The following SUPT3H variants were observed in gnomAD, a reference collection of about 807,000 sequenced individuals.
The protein encoded by SUPT3H is transcription initiation protein SPT3 homolog.
In SUPT3H, 44 loss-of-function variants were observed where a neutral mutation model predicts 44.3. That is an observed-to-expected ratio of 0.99 (90% CI 0.78 to 1.28). The LOEUF is 1.28. Among genes scored for constraint, SUPT3H ranks in the 50% most tolerant of loss-of-function variants. SUPT3H has a pLI of 0.00. For synonymous variants in SUPT3H, 124 were observed against 125.6 expected (o/e 0.99, Z 0.09); for missense variants, 380 against 387.1 (o/e 0.98, Z 0.15).
rs36187592 is a variant in SUPT3H at position 44,893,887 on chromosome 6, C to T, written c.912+38766G>A. Among the ~76,000 whole-genome samples the T allele has an allele frequency of 2.9e-3, 410 of 143,234 alleles. 4 individuals are homozygous for T. The highest frequency in any genetic ancestry group is 9.8e-3 in the African/African-American group (390 of 39,958). 94.0% of individuals were successfully genotyped at this position (143,234 alleles called of 152,430 possible). ...TCCACATCCTCTCCAGCACGTGTTG[C>T]TTCCTGACTTTTTAATGATCGCCAT... On this transcript the variant is annotated intron_variant, in intron 10 of 10. Coordinates refer to ENST00000371459, the MANE Select transcript of SUPT3H (RefSeq NM_003599.4).
chr6:45,332,409 T>C (rs920529273), intron 2 of SUPT3H, among the ~76,000 whole-genome samples: 4 of 151,842 alleles, frequency 2.6e-5, no homozygotes, highest in Admixed American at 6.6e-5. Context: ...AATGGGACTA[T>C]ATTATTTATT....
intron 2 of SUPT3H, among the ~76,000 whole-genome samples, chr6:45,330,039 G>A (rs536596109): frequency 1.3e-5 from 2 of 151,674 alleles, no homozygotes; most frequent in African/African-American, 2.4e-5. Context: ...CTCAGTTTAG[G>A]TCAAACAGAA....
chr6:44,811,944 T>A (rs1449651236), intron 11 of SUPT3H, among the ~76,000 whole-genome samples: 1 of 152,092 alleles, frequency 6.6e-6, no homozygotes, highest in African/African-American at 2.4e-5. Flanking sequence ...AAGGTCTGAT[T>A]CCTGTAATCC....
At chr6:44,994,289 G>A (rs1242482886) in intron 6 of SUPT3H, among the ~76,000 whole-genome samples, 1 of 152,048 alleles carries the variant, frequency 6.6e-6, no homozygotes, top group African/African-American at 2.4e-5. Context: ...AGGAGTGAAA[G>A]CATGGATGGA....
chr6:45,001,130 G>T (rs1199556741), intron 6 of SUPT3H, among the ~76,000 whole-genome samples: 3 of 152,064 alleles, frequency 2.0e-5, no homozygotes, highest in East Asian at 1.9e-4. Context: ...TTGATTAGAT[G>T]AAAAAATTAG....
chr6:44,952,836 C>A (rs1263824584), intron 9 of SUPT3H, among the ~76,000 whole-genome samples: 1 of 152,114 alleles, frequency 6.6e-6, no homozygotes, highest in East Asian at 1.9e-4. Flanking sequence ...TAGGGGCAAT[C>A]TAAAAACTCA....
Position 44,996,664 on chromosome 6 carries a change from A to G in SUPT3H, c.504+6989T>C, listed in dbSNP as rs1781310884. Among the ~76,000 whole-genome samples the G allele has an allele frequency of 2.0e-5, 3 of 151,844 alleles. No homozygotes were observed. The South Asian group carries it at 6.2e-4, about 31-fold the overall frequency. On this transcript the variant is annotated intron_variant, in intron 6 of 10. Transcript: ENST00000371459. The stretch of plus-strand genomic sequence containing the variant: ...ATTTCACAAACTTATTTGAAAACAG[A>G]CCACTCCCTACTCCCACAGTGTATT...
chr6:44,932,459 GAA>G (rs1043815909), intron 10 of SUPT3H, among the ~76,000 whole-genome samples, 192 bp downstream of exon 10: 3 of 151,944 alleles, frequency 2.0e-5, no homozygotes, highest in Admixed American at 6.6e-5. Context: ...ATATTTTGTA[GAA>G]AAAAAGTGTC....
Position 45,239,376 on chromosome 6 carries a change from C to A in SUPT3H, c.101+125825G>T, listed in dbSNP as rs1342914733. 2.6e-5 allele frequency among the ~76,000 whole-genome samples: 4 copies of A among 152,204 alleles called. No homozygotes were observed. In the South Asian group the frequency reaches 6.2e-4, roughly 24 times the overall value. On this transcript the variant is annotated intron_variant, in intron 2 of 10. Coordinates refer to ENST00000371459, the MANE Select transcript of SUPT3H (RefSeq NM_003599.4). ...CAGTATCTAATGCTACACACTTTCACAATTTAACCCATGTTAATGCCTCTG... is the reference window on the plus strand; with the variant it reads ...CAGTATCTAATGCTACACACTTTCAAAATTTAACCCATGTTAATGCCTCTG...
chr6:44,818,875 G>C (rs1021527877), intron 11 of SUPT3H, among the ~76,000 whole-genome samples: 6 of 152,156 alleles, frequency 3.9e-5, no homozygotes, highest in Non-Finnish European at 7.4e-5. Flanking sequence ...TCTGGTGGGA[G>C]TGCCATATGG....
At chr6:44,890,823 G>C (rs1763185920) in intron 10 of SUPT3H, among the ~76,000 whole-genome samples, 1 of 151,740 alleles carries the variant, frequency 6.6e-6, no homozygotes, top group Non-Finnish European at 1.5e-5. Flanking sequence ...CATAAAACAG[G>C]ATGAGTTCAT....
intron 2 of SUPT3H, among the ~76,000 whole-genome samples, chr6:45,348,903 T>C (rs922748910): frequency 1.3e-5 from 2 of 152,292 alleles, no homozygotes; most frequent in South Asian, 2.1e-4. Flanking sequence ...CATAGTATCC[T>C]GTACATTTTC....
chr6:45,373,113 A>G (rs1796318376), intron 1 of SUPT3H, among the ~76,000 whole-genome samples: 1 of 151,600 alleles, frequency 6.6e-6, no homozygotes, highest in Non-Finnish European at 1.5e-5. Context: ...GGCCCAGCTA[A>G]TTTTTGTTTT....
chr6:44,870,937 G>C (rs1028180144), intron 10 of SUPT3H, among the ~76,000 whole-genome samples: 5 of 151,542 alleles, frequency 3.3e-5, no homozygotes, highest in Non-Finnish European at 7.4e-5. Flanking sequence ...GCGCTTTTCA[G>C]ACCGGCTTAA....
intron 9 of SUPT3H, among the ~76,000 whole-genome samples, chr6:44,933,674 C>A (rs2153462121): frequency 6.6e-6 from 1 of 152,292 alleles, no homozygotes; most frequent in East Asian, 1.9e-4. Context: ...AGAGATGTTT[C>A]ATTTTGTCAC....
At position 45,062,652 on chromosome 6, in the gene SUPT3H, G is replaced by C. The variant is rs574672304; in HGVS notation, c.187-42020C>G. On this transcript the variant is annotated intron_variant, in intron 3 of 10. Transcript: ENST00000371459. ...GGCGAGGCATTGCCTCACCTGGGAA[G>C]CGCGAGGGGTCAGGAAGTTCCCTTT... Among the ~76,000 whole-genome samples, 4 of 152,350 alleles carry C rather than the reference G, an allele frequency of 2.6e-5. No individual in the cohort carries two copies. The East Asian group carries it at 7.7e-4, about 30-fold the overall frequency.
intron 2 of SUPT3H, among the ~76,000 whole-genome samples, chr6:45,248,224 A>C (rs373135559): frequency 7.3e-6 from 1 of 137,814 alleles, no homozygotes; most frequent in South Asian, 2.2e-4. Flanking sequence ...GATATATAAA[A>C]GAAAAAATGA....
chr6:45,126,852 A>AT (rs869085375), intron 2 of SUPT3H, among the ~76,000 whole-genome samples: 2 of 152,150 alleles, frequency 1.3e-5, no homozygotes, highest in African/African-American at 4.8e-5. Flanking sequence ...AATTTAGTTC[A>AT]TTTTTTAAAA....
At chr6:45,079,285 G>A (rs535977525) in intron 3 of SUPT3H, among the ~76,000 whole-genome samples, 1 of 152,130 alleles carries the variant, frequency 6.6e-6, no homozygotes, top group African/African-American at 2.4e-5. Flanking sequence ...ACTCCAGCCT[G>A]GGCGCCAGAG....
Sources: gnomAD v4.1 joint callset for allele counts (sites outside exome capture counted in the v4.1 genomes callset) on GRCh38, gnomAD v4.1.1 for gene constraint, MANE v1.5 for transcripts, NCBI Gene and HGNC (gene_info 2026-07-23, HGNC 2026-07-21) for gene names.